Variants in TUT4 observed in about 807,000 individuals in gnomAD.
The protein encoded by TUT4 is terminal uridylyl transferase 4, also known as terminal uridylyltransferase 4.
Under a neutral mutation model 192.2 loss-of-function variants are expected in TUT4, and 36 were observed. The ratio of observed to expected loss-of-function variants is 0.19; its 90% CI spans 0.14 to 0.25. The LOEUF is 0.25. TUT4 is among the 10% of genes least tolerant of loss of function. The probability of loss-of-function intolerance (pLI) is 1.00; values close to 1 mark genes in which losing one functional copy is unlikely to be tolerated. For synonymous variants in TUT4, 618 were observed against 666.0 expected (o/e 0.93, Z 1.11); for missense variants, 1,493 against 1,957.2 (o/e 0.76, Z 4.47).
rs1359413439 is a variant in TUT4, at chr1:52,423,640, T to C, written c.*295A>G. 4.4e-6 allele frequency: 2 copies of C among 450,598 alleles called. No individual in the cohort carries two copies. The highest frequency in any genetic ancestry group is 7.7e-6 in the Non-Finnish European group (2 of 259,698). 27.9% of individuals were successfully genotyped at this position (450,598 alleles called of 1,614,324 possible). On this transcript the variant is annotated 3_prime_UTR_variant, in exon 30 of 30. Coordinates refer to ENST00000257177, the MANE Select transcript of TUT4 (RefSeq NM_001009881.3). ...GGTTAAACAAAACATAAAATTCCCT[T>C]AAAAATAGGGTAATAAAATAGATGA... is the stretch of plus-strand genomic sequence containing the variant.
intron 7 of TUT4, 98 bp from the exon 8 acceptor site, chr1:52,490,899 C>T (rs895493929): frequency 1.0e-6 from 1 of 1,000,858 alleles, no homozygotes; most frequent in Non-Finnish European, 1.5e-6. Context: ...AAATTATTCT[C>T]ATTGCTTCTG....
chr1:52,469,550 G>A (rs545108237), intron 14 of TUT4, among the ~76,000 whole-genome samples: 7 of 152,254 alleles, frequency 4.6e-5, no homozygotes, highest in African/African-American at 1.4e-4. Context: ...ATGAGTTCGA[G>A]TTGGATATAC....
At position 52,525,898 on chromosome 1, in the gene TUT4, G is replaced by A; in HGVS notation, c.383C>T (p.Ala128Val). The change falls in exon 2 of 30, where the codon GCA (alanine) becomes GTA (valine). Residue 128 changes from alanine (A) to valine (V), a missense_variant. This residue lies in a region of TUT4 where 260 missense variants were observed against 247.8 expected (regional missense o/e 1.05). Coordinates refer to ENST00000257177, the MANE Select transcript of TUT4 (RefSeq NM_001009881.3). ...ATTAGGTGACTTTGGTGATTTTTCT[G>A]CTTTTGCCTGTAAACTGGTTGCCTT... is the stretch of plus-strand genomic sequence containing the variant. ...SEKATSLQAK[A>V]EKSPKSPNSV... 1 of 1,613,952 alleles carries A rather than the reference G, an allele frequency of 6.2e-7. No individual in the cohort carries two copies. The highest frequency in any genetic ancestry group is 8.5e-7 in the Non-Finnish European group (1 of 1,179,978).
chr1:52,492,990 T>A (rs913856407), intron 7 of TUT4, among the ~76,000 whole-genome samples: 1 of 152,208 alleles, frequency 6.6e-6, no homozygotes, highest in Non-Finnish European at 1.5e-5. Flanking sequence ...TGATTATAGG[T>A]TTTGTCTTCT....
chr1:52,430,132 AT>A (rs1389499534), intron 28 of TUT4, among the ~76,000 whole-genome samples: 3 of 152,086 alleles, frequency 2.0e-5, no homozygotes, highest in Non-Finnish European at 4.4e-5. Context: ...TATAATGAAC[AT>A]TTATTACTTA....
rs868741505 is a variant in TUT4, at chr1:52,466,657, A to T, written c.2966-1484T>A. Among the ~76,000 whole-genome samples, 576 of 133,226 alleles carry T rather than the reference A, an allele frequency of 4.3e-3. 2 individuals carry two copies. The highest frequency in any genetic ancestry group is 9.9e-3 in the African/African-American group (294 of 29,598). 87.4% of individuals were successfully genotyped at this position (133,226 alleles called of 152,430 possible). A position where few individuals can be genotyped will look rare whatever the true frequency, so the allele number is the denominator to read the frequency against. On this transcript the variant is annotated intron_variant, in intron 15 of 29. Transcript: ENST00000257177. ...TAATATCCTATTTCAAAAAAAAAAA[A>T]AAATATATATATATATATATATATA...
At chr1:52,545,219 T>C (rs1474853272) in intron 1 of TUT4, among the ~76,000 whole-genome samples, 1 of 151,648 alleles carries the variant, frequency 6.6e-6, no homozygotes, top group Non-Finnish European at 1.5e-5. Context: ...CTACTAAAAA[T>C]ACAAAATTTA....
At chr1:52,538,477 A>T (rs976442921) in intron 1 of TUT4, 2 of 151,910 alleles carry the variant, frequency 1.3e-5, no homozygotes, top group African/African-American at 4.8e-5. Context: ...AGCCTAGGCA[A>T]CACAGGAGAC....
At position 52,528,050 on chromosome 1, in the gene TUT4, G is replaced by A. The variant is rs181509357; in HGVS notation, c.-93-1677C>T. On this transcript the variant is annotated intron_variant, in intron 1 of 29. Transcript: ENST00000257177. ...AAATTAGCCGGGTACAGTGGTGGGC[G>A]CCTGTAAAATCCTACCTATTTAAGA... Among the ~76,000 whole-genome samples the A allele has an allele frequency of 7.9e-5, 12 of 151,600 alleles. No homozygotes were observed. The East Asian group carries it at 1.6e-3, about 20-fold the overall frequency.
chr1:52,526,255 CTTTTTAAGG>C lies in TUT4; in HGVS notation c.17_25del (p.Thr6_Lys8del). The C allele has an allele frequency of 6.3e-7, 1 of 1,576,124 alleles. No homozygotes were observed. Among genetic ancestry groups the C allele is most frequent in the Non-Finnish European group, 8.6e-7 (1 of 1,169,318 alleles). On this transcript the variant is annotated inframe_deletion, in exon 2 of 30. Coordinates refer to ENST00000257177, the MANE Select transcript of TUT4 (RefSeq NM_001009881.3). ...ATTCTTCTTTGGTTCATGATTTTCA[CTTTTTAAGG>C]TTTTAGACTCTTCCATTATTTGAAA...
intron 1 of TUT4, among the ~76,000 whole-genome samples, chr1:52,527,535 G>C (rs1682133530): frequency 6.6e-6 from 1 of 152,104 alleles, no homozygotes; most frequent in Non-Finnish European, 1.5e-5. Flanking sequence ...CTGGGCCACA[G>C]AGTAAGACTC....
At chr1:52,490,435 G>C (rs944322988) in intron 8 of TUT4, among the ~76,000 whole-genome samples, 1 of 151,366 alleles carries the variant, frequency 6.6e-6, no homozygotes, top group Non-Finnish European at 1.5e-5. Flanking sequence ...TGTATCCATA[G>C]AGCAAAGTAG....
chr1:52,478,446 C>T (rs74080963), intron 11 of TUT4, among the ~76,000 whole-genome samples: 4,876 of 152,296 alleles, frequency 0.032, 182 homozygotes, highest in African/African-American at 0.093. Context: ...AAAGCTCACA[C>T]TTATACATAA....
At chr1:52,547,645 G>T (rs180729783) in intron 1 of TUT4, among the ~76,000 whole-genome samples, 17 of 152,276 alleles carry the variant, frequency 1.1e-4, no homozygotes, top group Admixed American at 9.8e-4. Flanking sequence ...AATGATGAAT[G>T]GTTAAACAAA....
At chr1:52,495,575 A>C (rs1031570830) in intron 5 of TUT4, 60 bp from the exon 6 acceptor site, 3 of 1,327,702 alleles carry the variant, frequency 2.3e-6, no homozygotes, top group Non-Finnish European at 3.2e-6. Flanking sequence ...AGATGTAAAA[A>C]AACAGCGACG....
chr1:52,525,555 T>C lies in TUT4; in HGVS notation c.718+8A>G. On this transcript the variant is annotated splice_region_variant and intron_variant, in intron 2 of 29. Coordinates refer to ENST00000257177, the MANE Select transcript of TUT4 (RefSeq NM_001009881.3). ...AATATACAAAAATCCCTCCAAAAAA[T>C]GACTTACTTAAATCGTCCGATACGT... The C allele has an allele frequency of 6.3e-7, 1 of 1,590,200 alleles. No homozygotes were observed. The highest frequency in any genetic ancestry group is 8.6e-7 in the Non-Finnish European group (1 of 1,168,792).
chr1:52,499,353 G>A (rs1030263423), intron 4 of TUT4, among the ~76,000 whole-genome samples: 5 of 152,006 alleles, frequency 3.3e-5, no homozygotes, highest in Admixed American at 1.3e-4. Flanking sequence ...AGCCAAGATC[G>A]TGCCATTGCA....
At chr1:52,535,864 A>C (rs1196830307) in intron 1 of TUT4, among the ~76,000 whole-genome samples, 1 of 152,216 alleles carries the variant, frequency 6.6e-6, no homozygotes, top group Non-Finnish European at 1.5e-5. Context: ...ACATATTTGA[A>C]GTCCTAAAAG....
rs1306358964 is a variant in TUT4 at position 52,509,729 on chromosome 1, T to A, written c.883-17A>T. ...TGGTGATCGCTGAAGAGACAAATTTTAAAAATGCACTTTATTCAGAAAACA... is the reference window on the plus strand; with the variant it reads ...TGGTGATCGCTGAAGAGACAAATTTAAAAAATGCACTTTATTCAGAAAACA... On this transcript the variant is annotated splice_polypyrimidine_tract_variant and intron_variant, in intron 3 of 29. Coordinates refer to ENST00000257177, the MANE Select transcript of TUT4 (RefSeq NM_001009881.3). 15 of 1,435,578 alleles carry A rather than the reference T, an allele frequency of 1.0e-5. No individual in the cohort carries two copies. The highest frequency in any genetic ancestry group is 1.5e-5 in the Non-Finnish European group (15 of 1,019,266). 88.9% of individuals were successfully genotyped at this position (1,435,578 alleles called of 1,614,324 possible).
Sources: allele counts gnomAD v4.1 joint callset (sites outside exome capture counted in the v4.1 genomes callset), GRCh38; gene constraint gnomAD v4.1.1; regional missense constraint gnomAD v4.1.1; transcripts MANE v1.5; gene names NCBI Gene and HGNC (gene_info 2026-07-23, HGNC 2026-07-21).